EIF2S3B: variants seen among roughly 807,000 people sequenced by gnomAD.
EIF2S3B encodes the protein eukaryotic translation initiation factor 2 subunit 3B.
Under a neutral mutation model 26.4 loss-of-function variants are expected in EIF2S3B, and 16 were observed. The observed-to-expected ratio is 0.61, with a 90% CI of 0.41 to 0.92. The LOEUF (loss-of-function observed/expected upper bound fraction) is 0.92, where lower values mean the gene tolerates loss of function less well. Ranked by LOEUF, EIF2S3B falls within the 40% of genes least tolerant of loss-of-function variation. The pLI is 0.00. For synonymous variants in EIF2S3B, 183 were observed against 204.4 expected, an observed-to-expected ratio of 0.90 and a Z score of 0.89; for missense variants, 510 against 575.5, an observed-to-expected ratio of 0.89 and a Z score of 1.16.
intron 1 of EIF2S3B, among the ~76,000 whole-genome samples, chr12:10,521,018 A>G (rs980219378): frequency 5.9e-5 from 9 of 152,206 alleles, no homozygotes; most frequent in African/African-American, 1.9e-4. Context: ...TCTTTTAGGT[A>G]ATTTAATTGC....
downstream of EIF2S3B, among the ~76,000 whole-genome samples, chr12:10,509,526 C>A (rs540801730): frequency 6.6e-6 from 1 of 152,036 alleles, no homozygotes; most frequent in South Asian, 2.1e-4. Flanking sequence ...GTTTCTAATT[C>A]TCATCCAATT....
At chr12:10,520,043 A>T (rs75220181) in intron 1 of EIF2S3B, among the ~76,000 whole-genome samples, 3 of 149,396 alleles carry the variant, frequency 2.0e-5, no homozygotes, top group African/African-American at 7.3e-5. Context: ...TCATGCTGCT[A>T]TAAAGACACA....
chr12:10,513,463 G>A (rs1217190357), downstream of EIF2S3B, among the ~76,000 whole-genome samples: 1 of 150,730 alleles, frequency 6.6e-6, no homozygotes, highest in African/African-American at 2.5e-5. Flanking sequence ...TTCTGAGACA[G>A]ATGGATGGGT....
intron 1 of EIF2S3B, among the ~76,000 whole-genome samples, chr12:10,515,885 CTACA>C (rs1864750216): frequency 6.6e-6 from 1 of 150,672 alleles, no homozygotes; most frequent in African/African-American, 2.4e-5. Context: ...TATATACATA[CTACA>C]TACATACTAA....
At chr12:10,519,511 G>A (rs1429077150) in intron 1 of EIF2S3B, among the ~76,000 whole-genome samples, 1 of 151,924 alleles carries the variant, frequency 6.6e-6, no homozygotes, top group African/African-American at 2.4e-5. Flanking sequence ...TGACAAATGG[G>A]ATCTAATTAA....
intron 1 of EIF2S3B, among the ~76,000 whole-genome samples, chr12:10,521,015 G>C (rs994557503): frequency 6.6e-6 from 1 of 152,108 alleles, no homozygotes; most frequent in Non-Finnish European, 1.5e-5. Flanking sequence ...CTGTCTTTTA[G>C]GTAATTTAAT....
In EIF2S3B at chr12:10,520,277, G is replaced by A. The variant is rs868619551; in HGVS notation, c.1309-2326G>A. On this transcript the variant is annotated intron_variant, in intron 1 of 1. Coordinates refer to the EIF2S3B transcript ENST00000322446. The stretch of plus-strand genomic sequence containing the variant: ...TCACAAGGACAAAAAACCAAACACC[G>A]CATGTTCTCACTCATAGGTGGGAAT... Among the ~76,000 whole-genome samples, 577 of 149,476 alleles carry A rather than the reference G, an allele frequency of 3.9e-3. 1 individual carries two copies. Among genetic ancestry groups the A allele is most frequent in the African/African-American group, 0.013 (530 of 40,598 alleles).
At chr12:10,518,450 T>C (rs1406702272) in intron 1 of EIF2S3B, among the ~76,000 whole-genome samples, 1 of 152,250 alleles carries the variant, frequency 6.6e-6, no homozygotes, top group East Asian at 1.9e-4. Context: ...TTCCATTTGC[T>C]TGGTAGATCT....
chr12:10,517,755 T>C (rs1398401979), intron 1 of EIF2S3B, among the ~76,000 whole-genome samples: 2 of 152,252 alleles, frequency 1.3e-5, no homozygotes, highest in Non-Finnish European at 2.9e-5. Context: ...TTTAGTGCTA[T>C]AAATTTCCCT....
At chr12:10,517,533 C>T (rs1440450358) in intron 1 of EIF2S3B, among the ~76,000 whole-genome samples, 1 of 152,032 alleles carries the variant, frequency 6.6e-6, no homozygotes, top group Admixed American at 6.6e-5. Context: ...AGCAATCTAT[C>T]AATTTTGTTG....
At chr12:10,520,015 T>C (rs1182704338) in intron 1 of EIF2S3B, among the ~76,000 whole-genome samples, 1 of 151,166 alleles carries the variant, frequency 6.6e-6, no homozygotes, top group African/African-American at 2.4e-5. Flanking sequence ...ACTGGGTATA[T>C]ACCCAAAGGA....
At chr12:10,514,454 T>C (rs1864735318) in intron 1 of EIF2S3B, among the ~76,000 whole-genome samples, 1 of 152,122 alleles carries the variant, frequency 6.6e-6, no homozygotes, top group Non-Finnish European at 1.5e-5. Flanking sequence ...CCAGTCTAGG[T>C]ATCTCTCTTG....
chr12:10,520,781 A>G (rs1280132027), intron 1 of EIF2S3B, among the ~76,000 whole-genome samples: 1 of 152,176 alleles, frequency 6.6e-6, no homozygotes, highest in East Asian at 1.9e-4. Context: ...GAACAGCATA[A>G]TTCTTCAGTT....
intron 1 of EIF2S3B, among the ~76,000 whole-genome samples, chr12:10,516,992 G>A (rs748604846): frequency 0.011 from 1,673 of 150,442 alleles, 9 homozygotes; most frequent in Non-Finnish European, 0.019. Flanking sequence ...GCTTTTTGAT[G>A]TGCTGCTGGA....
chr12:10,518,191 G>C (rs543714539), intron 1 of EIF2S3B, among the ~76,000 whole-genome samples: 9 of 152,276 alleles, frequency 5.9e-5, no homozygotes, highest in Non-Finnish European at 1.2e-4. Context: ...TCATTGATCT[G>C]TCTAATGTTG....
chr12:10,522,282 C>G (rs1864839889), intron 1 of EIF2S3B, among the ~76,000 whole-genome samples: 1 of 152,062 alleles, frequency 6.6e-6, no homozygotes. Flanking sequence ...CTGCAGTGAG[C>G]CATGATTGTG....
rs772421079 is a variant in EIF2S3B at position 10,507,230 on chromosome 12, T to G, written c.1328T>G (p.Leu443Arg). The G allele has an allele frequency of 3.1e-6, 5 of 1,613,838 alleles. No individual in the cohort carries two copies. The African/African-American group carries it at 5.3e-5, about 17-fold the overall frequency. The change falls in exon 1 of 1, where the codon CTT (leucine) becomes CGT (arginine). Residue 443 changes from leucine (L) to arginine (R), a missense_variant. Leu to Arg is a moderately radical substitution (Grantham distance 102). Coordinates refer to ENST00000538173, the MANE Select transcript of EIF2S3B (RefSeq NM_001357734.3). ...VCTEVGEKIA[L>R]SRRVEKHWRL... is the part of the protein sequence containing the mutation. ...ACAGAGGTAGGAGAAAAAATTGCCC[T>G]TAGCCGAAGAGTTGAAAAACACTGG...
At chr12:10,522,995 AT>A (rs1198295848) in exon 2 of EIF2S3B, 1 of 168,674 alleles carries the variant, frequency 5.9e-6, no homozygotes, top group Non-Finnish European at 1.3e-5. Flanking sequence ...ACATGTATAT[AT>A]TTTTATAGAG....
At chr12:10,515,474 A>G (rs1864745708) in intron 1 of EIF2S3B, among the ~76,000 whole-genome samples, 1 of 152,080 alleles carries the variant, frequency 6.6e-6, no homozygotes, top group African/African-American at 2.4e-5. Flanking sequence ...AAAGATATTG[A>G]AAGAAAGTGT....
Sources: gnomAD v4.1 joint callset for allele counts (sites outside exome capture counted in the v4.1 genomes callset) on GRCh38, gnomAD v4.1.1 for gene constraint, MANE v1.5 for transcripts, NCBI Gene and HGNC (gene_info 2026-07-23, HGNC 2026-07-21) for gene names.